The following ARHGEF7 variants were observed in gnomAD, a reference collection of about 807,000 sequenced individuals.
The protein encoded by ARHGEF7 is Rho guanine nucleotide exchange factor 7, also known as PAK-interacting exchange factor beta.
Under a neutral mutation model 109.8 loss-of-function variants are expected in ARHGEF7, and 33 were observed. That is an observed-to-expected ratio of 0.30 (90% CI 0.23 to 0.40). The LOEUF (loss-of-function observed/expected upper bound fraction) is 0.40. ARHGEF7 is among the 10% of genes least tolerant of loss of function. ARHGEF7 has a pLI of 1.00. For missense variants in ARHGEF7, 938 were observed against 1,098.5 expected (o/e 0.85, Z 2.07); for synonymous variants, 458 against 424.6 (o/e 1.08, Z -0.97).
chr13:111,218,511 CAT>C (rs1257746619), intron 5 of ARHGEF7, among the ~76,000 whole-genome samples: 4 of 152,136 alleles, frequency 2.6e-5, no homozygotes, highest in Non-Finnish European at 5.9e-5. Flanking sequence ...AGGGAACAAT[CAT>C]GTGTGTCACT....
At position 111,272,238 on chromosome 13, in the gene ARHGEF7, G is replaced by T. The variant is rs939101630; in HGVS notation, c.1074-1576G>T. ...CTCTCAGTCCTCCTTATGGGAAGCT[G>T]TGTTTAGGTTGAACTCTCTGAAACT... On this transcript the variant is annotated intron_variant, in intron 9 of 21. Coordinates refer to ENST00000646102, the MANE Select transcript of ARHGEF7 (RefSeq NM_001354046.2). The surrounding 1 kb of genome is among the most constrained non-coding windows in gnomAD (Gnocchi z 5.2). Among the ~76,000 whole-genome samples, 3 of 152,230 alleles carry T rather than the reference G, an allele frequency of 2.0e-5. No homozygotes were observed. Among genetic ancestry groups the T allele is most frequent in the African/African-American group, 2.4e-5 (1 of 41,460 alleles).
chr13:111,229,126 G>A (rs1429532212), intron 5 of ARHGEF7, among the ~76,000 whole-genome samples: 2 of 152,062 alleles, frequency 1.3e-5, no homozygotes, highest in Non-Finnish European at 2.9e-5. Context: ...GTTCCTGTGT[G>A]TCTTGGTGGA....
intron 1 of ARHGEF7, among the ~76,000 whole-genome samples, chr13:111,138,762 T>C (rs1433199073): frequency 6.6e-6 from 1 of 152,150 alleles, no homozygotes; most frequent in Non-Finnish European, 1.5e-5. Context: ...AAACTGAATG[T>C]GGAGAAAATG....
chr13:111,187,183 T>C (rs1357520112), intron 2 of ARHGEF7, among the ~76,000 whole-genome samples: 3 of 152,224 alleles, frequency 2.0e-5, no homozygotes, highest in Non-Finnish European at 2.9e-5. Flanking sequence ...AAATTATTAA[T>C]ACATGTTTAT....
chr13:111,291,461 C>T (rs1375007397), intron 18 of ARHGEF7, among the ~76,000 whole-genome samples: 1 of 152,262 alleles, frequency 6.6e-6, no homozygotes, highest in Admixed American at 6.5e-5. Flanking sequence ...TCCAGCGCGC[C>T]CTGGGAGCAG....
chr13:111,218,796 G>T (rs1323007945), intron 5 of ARHGEF7, among the ~76,000 whole-genome samples: 1 of 152,208 alleles, frequency 6.6e-6, no homozygotes, highest in Non-Finnish European at 1.5e-5. Context: ...GAGTCTGGCA[G>T]AGTAGGAGCT....
At chr13:111,142,270 T>C (rs1228285576) in intron 1 of ARHGEF7, among the ~76,000 whole-genome samples, 1 of 145,030 alleles carries the variant, frequency 6.9e-6, no homozygotes, top group Non-Finnish European at 1.5e-5. Flanking sequence ...GCTTGTCTTC[T>C]TGTTCTCTCA....
chr13:111,134,618 T>C (rs1438687457), intron 1 of ARHGEF7, among the ~76,000 whole-genome samples: 1 of 152,238 alleles, frequency 6.6e-6, no homozygotes, highest in Non-Finnish European at 1.5e-5. Flanking sequence ...TTCATATCCT[T>C]CACCCACTTT....
chr13:111,138,774 T>A (rs2075207671), intron 1 of ARHGEF7, among the ~76,000 whole-genome samples: 1 of 152,160 alleles, frequency 6.6e-6, no homozygotes, highest in Non-Finnish European at 1.5e-5. Flanking sequence ...GAGAAAATGA[T>A]GACAATTTTG....
chr13:111,245,422 T>TGTGTCAAAAAAA (rs1392091960), intron 8 of ARHGEF7, among the ~76,000 whole-genome samples: 1 of 152,178 alleles, frequency 6.6e-6, no homozygotes, highest in African/African-American at 2.4e-5. Flanking sequence ...CACTTCAAGA[T>TGTGTCAAAAAAA]GATGATTTTT....
At chr13:111,142,130 G>A (rs182692363) in intron 1 of ARHGEF7, among the ~76,000 whole-genome samples, 65 of 152,000 alleles carry the variant, frequency 4.3e-4, no homozygotes, top group Non-Finnish European at 1.0e-4. Context: ...CTTTGTTGGT[G>A]TTTTTTTCAG....
At chr13:111,150,474 C>T (rs1273556233) in intron 1 of ARHGEF7, among the ~76,000 whole-genome samples, 1 of 152,198 alleles carries the variant, frequency 6.6e-6, no homozygotes, top group African/African-American at 2.4e-5. Flanking sequence ...TTGAAACCTT[C>T]TCCACTTATT....
intron 9 of ARHGEF7, among the ~76,000 whole-genome samples, chr13:111,269,505 G>A (rs1015582631): frequency 1.3e-5 from 2 of 152,166 alleles, no homozygotes; most frequent in Non-Finnish European, 2.9e-5. Flanking sequence ...CTTAATGTAC[G>A]TGTAGCATTT....
chr13:111,289,093 GTGATC>G (rs1410166005), intron 18 of ARHGEF7, among the ~76,000 whole-genome samples: 1 of 151,932 alleles, frequency 6.6e-6, no homozygotes, highest in Non-Finnish European at 1.5e-5. Flanking sequence ...GTGCAGTAGC[GTGATC>G]TTGGCTCACT....
In ARHGEF7 at chr13:111,176,872, TCAGCCTCCC is replaced by T. The variant is rs1320328261; in HGVS notation, c.252+22885_252+22893del. ...CCCGGATTCAAGCGATTCTCCTGCCTCAGCCTCCCCAGTAGCTGGGACTACAGGCGTGTA... is the reference window on the plus strand; with the variant it reads ...CCCGGATTCAAGCGATTCTCCTGCCTCAGTAGCTGGGACTACAGGCGTGTA... On this transcript the variant is annotated intron_variant, in intron 2 of 21. Transcript: ENST00000646102. Among the ~76,000 whole-genome samples the T allele has an allele frequency of 4.0e-4, 61 of 152,350 alleles. No individual in the cohort carries two copies. The East Asian group carries it at 0.01, about 26-fold the overall frequency.
intron 2 of ARHGEF7, among the ~76,000 whole-genome samples, chr13:111,182,962 A>G (rs1322791529): frequency 6.6e-6 from 1 of 152,234 alleles, no homozygotes; most frequent in Non-Finnish European, 1.5e-5. Flanking sequence ...ACTGTAAGCT[A>G]ATATGAGTGT....
At chr13:111,176,516 G>A (rs761867196) in intron 2 of ARHGEF7, among the ~76,000 whole-genome samples, 2 of 152,104 alleles carry the variant, frequency 1.3e-5, no homozygotes, top group Non-Finnish European at 2.9e-5. Flanking sequence ...TCTCTTCACT[G>A]TGTGCTGTGC....
chr13:111,115,793 T>G (rs1484010295), intron 1 of ARHGEF7, 102 bp downstream of exon 1: 9 of 506,968 alleles, frequency 1.8e-5, no homozygotes, highest in Non-Finnish European at 2.3e-5. Context: ...GGGAAACCCG[T>G]GCGCCCTCCT....
rs186920609 is a variant in ARHGEF7, at chr13:111,194,209, C to A, written c.253-11080C>A. On this transcript the variant is annotated intron_variant, in intron 2 of 21. Coordinates refer to ENST00000646102, the MANE Select transcript of ARHGEF7 (RefSeq NM_001354046.2). ...CTGAGTAAGGACTCCAAGAGCTATTCCTGCTCTCTCTCTGATATATAAAGA... is the reference window on the plus strand; with the variant it reads ...CTGAGTAAGGACTCCAAGAGCTATTACTGCTCTCTCTCTGATATATAAAGA... 1.9e-3 allele frequency among the ~76,000 whole-genome samples: 291 copies of A among 152,314 alleles called. 2 individuals carry two copies. The South Asian group carries it at 0.023, about 12-fold the overall frequency.
Sources: allele counts gnomAD v4.1 joint callset (sites outside exome capture counted in the v4.1 genomes callset), GRCh38; gene constraint gnomAD v4.1.1; non-coding constraint Gnocchi (gnomAD v3.1); transcripts MANE v1.5; gene names NCBI Gene and HGNC (gene_info 2026-07-23, HGNC 2026-07-21).